The following PARP4 variants were observed in gnomAD, a reference collection of about 807,000 sequenced individuals.
PARP4 encodes poly(ADP-ribose) polymerase family member 4, also known as protein mono-ADP-ribosyltransferase PARP4.
Under a neutral mutation model 187.7 loss-of-function variants are expected in PARP4, and 120 were observed. The observed-to-expected ratio is 0.64, with a 90% CI of 0.55 to 0.74. The LOEUF (loss-of-function observed/expected upper bound fraction) is 0.74, where lower values mean the gene tolerates loss of function less well. Ranked by LOEUF, PARP4 falls within the 30% of genes least tolerant of loss-of-function variation. PARP4 has a pLI of 0.00. For missense variants in PARP4, 1,836 were observed against 2,070.5 expected (o/e 0.89, Z 2.20); for synonymous variants, 654 against 740.9 (o/e 0.88, Z 1.90).
At chr13:24,459,566 C>T (rs1325565307) in intron 18 of PARP4, 1 of 411,984 alleles carries the variant, frequency 2.4e-6, no homozygotes, top group East Asian at 4.1e-5. Context: ...CACACACACA[C>T]ATTTTATACA....
chr13:24,511,860 C>T (rs188341310), intron 1 of PARP4, among the ~76,000 whole-genome samples: 61 of 152,320 alleles, frequency 4.0e-4, no homozygotes, highest in African/African-American at 1.5e-3. Context: ...AGTAATGCAC[C>T]TCCCTAATGG....
intron 32 of PARP4, among the ~76,000 whole-genome samples, 190 bp from the exon 33 acceptor site, chr13:24,426,788 A>T (rs1307756707): frequency 1.4e-5 from 2 of 147,438 alleles, no homozygotes; most frequent in Middle Eastern, 3.7e-3. Flanking sequence ...GCTACTCGGG[A>T]GGCTGAGGCA....
chr13:24,429,800 C>A (rs1264001317), intron 32 of PARP4, among the ~76,000 whole-genome samples: 2 of 152,174 alleles, frequency 1.3e-5, no homozygotes, highest in African/African-American at 4.8e-5. Flanking sequence ...ATGCAGATTT[C>A]AGAGTTCCCT....
intron 21 of PARP4, among the ~76,000 whole-genome samples, chr13:24,456,118 C>T (rs1350026178): frequency 6.6e-6 from 1 of 151,966 alleles, no homozygotes; most frequent in Non-Finnish European, 1.5e-5. Flanking sequence ...GGTAAAAATG[C>T]GAATTTGTAC....
intron 15 of PARP4, among the ~76,000 whole-genome samples, chr13:24,474,590 T>G (rs1443718465): frequency 3.3e-5 from 5 of 151,256 alleles, no homozygotes. Flanking sequence ...AGGACTCTGT[T>G]GTCTCCTCGG....
Position 24,470,057 on chromosome 13 carries a change from G to A in PARP4, c.1915-32C>T, listed in dbSNP as rs554765809. The A allele has an allele frequency of 1.5e-5, 24 of 1,593,128 alleles. No individual in the cohort carries two copies. In the Admixed American group the frequency reaches 3.0e-4, roughly 20 times the overall value. ...AAGAAAAAAAATCCATACAATTGAT[G>A]AGACCACATGGACTACATTTGCAGG... On this transcript the variant is annotated intron_variant, in intron 15 of 33. Transcript: ENST00000381989.
intron 12 of PARP4, among the ~76,000 whole-genome samples, chr13:24,479,189 G>C (rs7322323): frequency 0.52 from 78,534 of 151,550 alleles, 20,487 homozygotes; most frequent in South Asian, 0.65. Context: ...GGAGACGCAT[G>C]TCTGTTTTTT....
At chr13:24,503,586 C>T in intron 2 of PARP4, 59 bp downstream of exon 2, 2 of 1,582,730 alleles carry the variant, frequency 1.3e-6, no homozygotes, top group Non-Finnish European at 1.7e-6. Context: ...CTAACCATGA[C>T]CCTGTTCCCT....
intron 1 of PARP4, among the ~76,000 whole-genome samples, chr13:24,504,198 A>G (rs1260840149): frequency 2.0e-5 from 3 of 151,898 alleles, no homozygotes; most frequent in East Asian, 1.9e-4. Context: ...GTGGACTTCT[A>G]TTAGGCCATT....
chr13:24,433,424 C>T (rs1266589003), intron 31 of PARP4, among the ~76,000 whole-genome samples: 1 of 152,198 alleles, frequency 6.6e-6, no homozygotes, highest in Non-Finnish European at 1.5e-5. Flanking sequence ...TTGTCACCCC[C>T]ATGACCTGGT....
intron 10 of PARP4, 145 bp downstream of exon 10, chr13:24,490,523 G>C (rs1469688276): frequency 7.4e-6 from 5 of 672,036 alleles, no homozygotes; most frequent in East Asian, 2.6e-5. Flanking sequence ...GTTCTGAACA[G>C]AGAAGAAAGT....
intron 15 of PARP4, 51 bp from the exon 16 acceptor site, chr13:24,470,076 T>C (rs779575072): frequency 1.2e-5 from 18 of 1,532,248 alleles, no homozygotes; most frequent in South Asian, 3.5e-5. Flanking sequence ...TGGACTACAT[T>C]TGCAGGAACA....
At chr13:24,447,231 G>T in intron 25 of PARP4, 45 bp from the exon 26 acceptor site, 2 of 1,386,008 alleles carry the variant, frequency 1.4e-6, no homozygotes, top group Admixed American at 2.4e-5. Flanking sequence ...GCTCCATCCA[G>T]AAAATAGTTA....
Position 24,440,303 on chromosome 13 carries a change from A to T in PARP4, c.3666+1543T>A, listed in dbSNP as rs3825449. Among the ~76,000 whole-genome samples, 3 of 150,918 alleles carry T rather than the reference A, an allele frequency of 2.0e-5. No homozygotes were observed. The East Asian group carries it at 5.9e-4, about 29-fold the overall frequency. On this transcript the variant is annotated intron_variant, in intron 30 of 33. Coordinates refer to ENST00000381989, the MANE Select transcript of PARP4 (RefSeq NM_006437.4). The stretch of plus-strand genomic sequence containing the variant: ...ATCTCAGCAACTCAGGAGACTGAGG[A>T]ACGAGAATTGCTTGAACCCAGGAGG...
intron 31 of PARP4, among the ~76,000 whole-genome samples, chr13:24,432,513 C>T (rs1870393512): frequency 6.6e-6 from 1 of 152,200 alleles, no homozygotes. Context: ...ACTCCCAGAA[C>T]TTTCCTTCCA....
rs1871409808 is a variant in PARP4 at position 24,449,773 on chromosome 13, C to G, written c.3059G>C (p.Gly1020Ala). ...RHVLRILSQC[G>A]AGVFEYFNAK... Reference sequence around the variant, plus strand: ...ATTAAAATATTCAAATACTCCGGCACCACACTGGGACAAAATCCTTAAGAC... The same window carrying G: ...ATTAAAATATTCAAATACTCCGGCAGCACACTGGGACAAAATCCTTAAGAC... Residue 1020 changes from glycine to alanine, a missense_variant, in exon 25 of 34, where the codon GGT becomes GCT. By Grantham distance (60) the Gly-to-Ala change is moderately conservative. Coordinates refer to ENST00000381989, the MANE Select transcript of PARP4 (RefSeq NM_006437.4). 1 of 1,611,232 alleles carries G rather than the reference C, an allele frequency of 6.2e-7. No homozygotes were observed. Among genetic ancestry groups the G allele is most frequent in the African/African-American group, 1.3e-5 (1 of 74,816 alleles).
intron 14 of PARP4, 45 bp from the exon 15 acceptor site, chr13:24,475,641 T>C (rs754521087): frequency 1.3e-5 from 20 of 1,588,934 alleles, no homozygotes; most frequent in Non-Finnish European, 1.7e-5. Flanking sequence ...ACCATCCCTG[T>C]CTATTTTTGT....
At chr13:24,442,222 C>T (rs140182310) in intron 29 of PARP4, among the ~76,000 whole-genome samples, 393 of 149,682 alleles carry the variant, frequency 2.6e-3, no homozygotes, top group African/African-American at 9.2e-3. Flanking sequence ...AGGGGAAGGG[C>T]TCTCAGGGAA....
intron 1 of PARP4, among the ~76,000 whole-genome samples, chr13:24,510,690 T>G (rs1869970046): frequency 6.8e-6 from 1 of 146,596 alleles, no homozygotes; most frequent in South Asian, 2.1e-4. Context: ...AATCAAGGAG[T>G]ATAAACATTT....
Sources: gnomAD v4.1 joint callset for allele counts (sites outside exome capture counted in the v4.1 genomes callset) on GRCh38, gnomAD v4.1.1 for gene constraint, MANE v1.5 for transcripts, NCBI Gene and HGNC (gene_info 2026-07-23, HGNC 2026-07-21) for gene names.